MUC5AC: variants seen among roughly 807,000 people sequenced by gnomAD.
The protein encoded by MUC5AC is mucin-5AC.
A neutral mutation model predicts 169.7 loss-of-function variants in MUC5AC; 158 were observed. The ratio of observed to expected loss-of-function variants is 0.93; its 90% CI spans 0.82 to 1.06. The LOEUF is 1.06. MUC5AC is among the 50% of genes least tolerant of loss of function. MUC5AC has a pLI of 0.00. For missense variants in MUC5AC, 4,359 were observed against 3,089.9 expected, an observed-to-expected ratio of 1.41 and a Z score of -9.74; for synonymous variants, 1,975 against 1,237.0, an observed-to-expected ratio of 1.60 and a Z score of -12.52.
At chr11:1,163,349 AG>A (rs778976419) in intron 6 of MUC5AC, among the ~76,000 whole-genome samples, 3 of 152,120 alleles carry the variant, frequency 2.0e-5, no homozygotes, top group Non-Finnish European at 4.4e-5. Flanking sequence ...TTGGTCTTTG[AG>A]TCTCTGCCAC....
In MUC5AC at chr11:1,163,929, G is replaced by C; in HGVS notation, c.727G>C (p.Asp243His). The change falls in exon 7 of 49, where the codon GAC becomes CAC. Residue 243 changes from aspartate to histidine, a missense_variant. Physicochemically the swap from Asp to His is moderately conservative, Grantham distance 81. Transcript: ENST00000621226. Reference protein sequence around the residue: ...MEFGNLQKMDDPTDQCQDPVP... With the variant: ...MEFGNLQKMDHPTDQCQDPVP... ...ATTCGGGAACCTGCAGAAGATGGAC[G>C]ACCCCACGGACCAGTGTCAGGACCC... 1 of 1,611,394 alleles carries C rather than the reference G, an allele frequency of 6.2e-7. No individual in the cohort carries two copies. Among genetic ancestry groups the C allele is most frequent in the Non-Finnish European group, 8.5e-7 (1 of 1,179,442 alleles).
chr11:1,162,054 T>G lies in MUC5AC; in HGVS notation c.359T>G (p.Ile120Ser). Reference sequence around the variant, plus strand: ...GGTGCCGCCTACGAGGATTTTAACATCCAGCTACGCCGCAGCCAGGAGTCA... The same window carrying G: ...GGTGCCGCCTACGAGGATTTTAACAGCCAGCTACGCCGCAGCCAGGAGTCA... The part of the protein sequence containing the change: ...HCGAAYEDFN[I>S]QLRRSQESAA... The change falls in exon 4 of 49, where the codon ATC (isoleucine) becomes AGC (serine). Residue 120 changes from isoleucine to serine, a missense_variant. By Grantham distance (142) the Ile-to-Ser change is moderately radical. Coordinates refer to ENST00000621226, the MANE Select transcript of MUC5AC (RefSeq NM_001304359.2). The G allele has an allele frequency of 6.2e-7, 1 of 1,612,562 alleles. No individual in the cohort carries two copies. Among genetic ancestry groups the G allele is most frequent in the Non-Finnish European group, 8.5e-7 (1 of 1,179,752 alleles).
rs1338688087 is a variant in MUC5AC at position 1,179,083 on chromosome 11, C to T, written c.3328-9C>T. 1 of 526,006 alleles carries T rather than the reference C, an allele frequency of 1.9e-6. No individual in the cohort carries two copies. The highest frequency in any genetic ancestry group is 3.5e-6 in the Non-Finnish European group (1 of 289,422). 32.6% of individuals were successfully genotyped at this position (526,006 alleles called of 1,614,324 possible). A position where few individuals can be genotyped will look rare whatever the true frequency, so the allele number is the denominator to read the frequency against. ...GGGTCCCTGGAACCTGAAGCCCCGT[C>T]TCCCTCAGGTGGAGCCGGCCAGGTA... On this transcript the variant is annotated splice_polypyrimidine_tract_variant and intron_variant, in intron 25 of 48. Transcript: ENST00000621226.
chr11:1,171,641 C>G (rs1357660610), intron 15 of MUC5AC, among the ~76,000 whole-genome samples: 1 of 124,194 alleles, frequency 8.1e-6, no homozygotes, highest in Non-Finnish European at 1.7e-5. Flanking sequence ...ACCCACTCAC[C>G]CACTCACTCA....
chr11:1,170,576 C>T (rs1860480237), intron 15 of MUC5AC, among the ~76,000 whole-genome samples: 4 of 141,304 alleles, frequency 2.8e-5, no homozygotes, highest in African/African-American at 5.3e-5. Flanking sequence ...CACTCACCCA[C>T]TCACCTACTC....
At chr11:1,197,700 G>T in intron 41 of MUC5AC, 61 bp downstream of exon 41, 1 of 644,940 alleles carries the variant, frequency 1.6e-6, no homozygotes, top group Non-Finnish European at 2.8e-6. Context: ...AGCCCACTCG[G>T]CCCGGACTTT....
chr11:1,188,136 A>C lies in MUC5AC; in HGVS notation c.9991A>C (p.Thr3331Pro). The change falls in exon 31 of 49, where the codon ACA (threonine) becomes CCA (proline). Residue 3331 changes from threonine (T) to proline (P), a missense_variant. Thr to Pro is a conservative substitution (Grantham distance 38). Coordinates refer to ENST00000621226, the MANE Select transcript of MUC5AC (RefSeq NM_001304359.2). ...CCCTAAAGGTTGCCCCGTGACCTCC[A>C]CACCTGTGACAGCTCCTAGCACCCC... is the stretch of plus-strand genomic sequence containing the variant. ...ETPKGCPVTS[T>P]PVTAPSTPSG... 8 of 689,156 alleles carry C rather than the reference A, an allele frequency of 1.2e-5. No homozygotes were observed. Among genetic ancestry groups the C allele is most frequent in the Non-Finnish European group, 1.6e-5 (6 of 375,708 alleles). The allele number at this position is 689,156 out of a possible 1,614,324, so 42.7% of individuals were successfully genotyped here. A position where few individuals can be genotyped will look rare whatever the true frequency, so the allele number is the denominator to read the frequency against.
chr11:1,196,778 C>T (rs1861287139), intron 39 of MUC5AC, 58 bp downstream of exon 39: 3 of 730,054 alleles, frequency 4.1e-6, no homozygotes, highest in Admixed American at 1.9e-5. Flanking sequence ...TGACTGTTGG[C>T]CAGGTCCTGG....
At chr11:1,175,972 G>A (rs965015497) in intron 19 of MUC5AC, among the ~76,000 whole-genome samples, 179 bp from the exon 20 acceptor site, 43,237 of 121,890 alleles carry the variant, frequency 0.35, 7,583 homozygotes, top group African/African-American at 0.55. Flanking sequence ...GTTATGCAAC[G>A]CTCACACCCA....
Position 1,199,951 on chromosome 11 carries a change from G to A in MUC5AC, c.16682G>A (p.Cys5561Tyr), listed in dbSNP as rs191076819. ...CGCCTGGCTTACTGCCGGGGGAACT[G>A]TGGGGACAGCTCTTCCATGTACGTG... is the stretch of plus-strand genomic sequence containing the variant. ...PVRLAYCRGN[C>Y]GDSSSMYSLE... The change falls in exon 48 of 49, where the codon TGT (cysteine) becomes TAT (tyrosine). Residue 5561 changes from cysteine (C) to tyrosine (Y), a missense_variant. Physicochemically the swap from Cys to Tyr is radical, Grantham distance 194. Coordinates refer to ENST00000621226, the MANE Select transcript of MUC5AC (RefSeq NM_001304359.2). The A allele has an allele frequency of 1.3e-6, 1 of 763,372 alleles. No homozygotes were observed. The highest frequency in any genetic ancestry group is 2.4e-5 in the East Asian group (1 of 41,194). The allele number at this position is 763,372 out of a possible 1,614,324, so 47.3% of individuals were successfully genotyped here.
rs1860982828 is a variant in MUC5AC at position 1,187,521 on chromosome 11, C to T, written c.9376C>T (p.Pro3126Ser). ...CTCTGGTCTTGGAACTACTCCCAGC[C>T]CTATTCCTACCACCAGCACAACCTC... is the stretch of plus-strand genomic sequence containing the variant. ...KTSGLGTTPSPIPTTSTTSPP... is the reference protein window; with the variant it reads ...KTSGLGTTPSSIPTTSTTSPP... The change falls in exon 31 of 49, where the codon CCT (proline) becomes TCT (serine). Residue 3126 changes from proline to serine, a missense_variant. Transcript: ENST00000621226. 4.0e-6 allele frequency: 3 copies of T among 745,694 alleles called. No individual in the cohort carries two copies. The highest frequency in any genetic ancestry group is 3.6e-5 in the Admixed American group (2 of 55,592). The allele number at this position is 745,694 out of a possible 1,614,324, so 46.2% of individuals were successfully genotyped here.
chr11:1,160,728 G>C, intron 2 of MUC5AC, 39 bp downstream of exon 2: 1 of 1,578,212 alleles, frequency 6.3e-7, no homozygotes. Context: ...AAGCCTGTCA[G>C]ATTCCACCCT....
rs1860995238 is a variant in MUC5AC at position 1,187,970 on chromosome 11, C to A, written c.9825C>A (p.Ser3275Arg). ...EITRLQCRAE[S>R]HPEVSIEHLG... ...CCAGGCTCCAGTGCCGAGCCGAGAG[C>A]CACCCGGAGGTGAGCATTGAACACC... The change falls in exon 31 of 49, where the codon AGC becomes AGA. Residue 3275 changes from serine to arginine, a missense_variant. Coordinates refer to ENST00000621226, the MANE Select transcript of MUC5AC (RefSeq NM_001304359.2). 4 of 756,880 alleles carry A rather than the reference C, an allele frequency of 5.3e-6. No individual in the cohort carries two copies. The highest frequency in any genetic ancestry group is 1.7e-5 in the Admixed American group (1 of 58,538). The allele number at this position is 756,880 out of a possible 1,614,324, so 46.9% of individuals were successfully genotyped here.
chr11:1,159,949 G>GT (rs1241772529), intron 1 of MUC5AC, among the ~76,000 whole-genome samples: 1 of 111,288 alleles, frequency 9.0e-6, no homozygotes. Context: ...TGGGGCTGGG[G>GT]CTGGTCCCAC....
Position 1,162,056 on chromosome 11 carries a change from C to T in MUC5AC, c.361C>T (p.Gln121Ter). The change falls in exon 4 of 49, where the codon CAG becomes TAG. Residue 121 changes from glutamine (Q) to a stop codon, truncating the protein, a stop_gained. Transcript: ENST00000621226. LOFTEE classifies it high-confidence loss of function. The stretch of plus-strand genomic sequence containing the variant: ...TGCCGCCTACGAGGATTTTAACATC[C>T]AGCTACGCCGCAGCCAGGAGTCAGC... ...CGAAYEDFNIQLRRSQESAAP... is the reference protein window; with the variant it reads ...CGAAYEDFNI 1 of 1,612,544 alleles carries T rather than the reference C, an allele frequency of 6.2e-7. No homozygotes were observed. The highest frequency in any genetic ancestry group is 8.5e-7 in the Non-Finnish European group (1 of 1,179,750).
In MUC5AC at chr11:1,188,686, A is replaced by T. The variant is rs1358811403; in HGVS notation, c.10541A>T (p.Gln3514Leu). 7 of 764,826 alleles carry T rather than the reference A, an allele frequency of 9.2e-6. No homozygotes were observed. The highest frequency in any genetic ancestry group is 1.7e-5 in the Non-Finnish European group (7 of 417,838). 47.4% of individuals were successfully genotyped at this position (764,826 alleles called of 1,614,324 possible). Residue 3514 changes from glutamine (Q) to leucine (L), a missense_variant, in exon 31 of 49, where the codon CAA becomes CTA. Gln to Leu is a moderately radical substitution (Grantham distance 113). Coordinates refer to ENST00000621226, the MANE Select transcript of MUC5AC (RefSeq NM_001304359.2). ...TCTGTATCCAAGACAACCCACTCCC[A>T]ACCAGTCACCAGAGACTGTCATCCC... Reference protein sequence around the residue: ...HVSVSKTTHSQPVTRDCHPRC... With the variant: ...HVSVSKTTHSLPVTRDCHPRC...
chr11:1,179,888 C>T, intron 26 of MUC5AC, 134 bp from the exon 27 acceptor site: 1 of 397,378 alleles, frequency 2.5e-6, no homozygotes, highest in African/African-American at 2.1e-5. Flanking sequence ...CGATCTGGCC[C>T]ACCCTCCCCT....
chr11:1,165,881 G>T, intron 11 of MUC5AC, 121 bp downstream of exon 11: 2 of 1,404,422 alleles, frequency 1.4e-6, no homozygotes, highest in Non-Finnish European at 1.9e-6. Context: ...GGGGGTCCCC[G>T]ATGTTGAGAC....
At chr11:1,161,000 T>TC (rs555933495) in intron 2 of MUC5AC, among the ~76,000 whole-genome samples, 2 of 151,778 alleles carry the variant, frequency 1.3e-5, no homozygotes, top group Non-Finnish European at 2.9e-5. Context: ...TGCCTTGGTG[T>TC]CCCCCCCGTT....
Sources: allele counts gnomAD v4.1 joint callset (sites outside exome capture counted in the v4.1 genomes callset), GRCh38; gene constraint gnomAD v4.1.1; transcripts MANE v1.5; gene names NCBI Gene and HGNC (gene_info 2026-07-23, HGNC 2026-07-21).